The following PHEX variants were observed in gnomAD, a reference collection of about 807,000 sequenced individuals.
PHEX encodes the protein phosphate regulating endopeptidase X-linked.
Under a neutral mutation model 68.0 loss-of-function variants are expected in PHEX, and 16 were observed. The ratio of observed to expected loss-of-function variants is 0.24; its 90% CI spans 0.16 to 0.36. PHEX has a LOEUF of 0.36. Among genes scored for constraint, PHEX ranks in the 10% least tolerant of loss-of-function variants. PHEX has a pLI of 1.00. For synonymous variants in PHEX, 208 were observed against 205.1 expected, an observed-to-expected ratio of 1.01 and a Z score of -0.12; for missense variants, 480 against 575.5, an observed-to-expected ratio of 0.83 and a Z score of 1.70.
intron 9 of PHEX, among the ~76,000 whole-genome samples, chrX:22,103,801 C>A (rs2147052404): frequency 8.9e-6 from 1 of 112,177 alleles, no homozygotes; most frequent in South Asian, 3.6e-4. Context: ...ATAATGACTT[C>A]TTTTCCTCTG....
At chrX:22,042,535 A>G (rs1927332940) in intron 2 of PHEX, among the ~76,000 whole-genome samples, 1 of 112,670 alleles carries the variant, frequency 8.9e-6, no homozygotes, top group Non-Finnish European at 1.9e-5. Context: ...CTGCCACCCC[A>G]GCACTTTGGG....
chrX:22,064,484 C>A (rs994633000), intron 3 of PHEX, among the ~76,000 whole-genome samples: 123 of 111,837 alleles, frequency 1.1e-3, no homozygotes, highest in African/African-American at 3.9e-3. Context: ...TGATCTCATT[C>A]TTTTTTATGG....
intron 12 of PHEX, among the ~76,000 whole-genome samples, chrX:22,150,357 A>G (rs1932833268): frequency 9.0e-6 from 1 of 111,515 alleles, no homozygotes; most frequent in South Asian, 3.8e-4. Flanking sequence ...ACAATGGCCT[A>G]TGGACCATAC....
rs1447692167 is a variant in PHEX, at chrX:22,247,857, T to C, written c.2154T>C (p.Asn718=). 1.7e-6 allele frequency: 2 copies of C among 1,191,685 alleles called. No homozygotes were observed. Among genetic ancestry groups the C allele is most frequent in the Non-Finnish European group, 2.3e-6 (2 of 877,065 alleles). The change falls in exon 22 of 22, where the codon AAT becomes AAC. Residue 718 remains asparagine, a synonymous_variant. Transcript: ENST00000379374. The stretch of plus-strand genomic sequence containing the variant: ...TTGACATATCGTTTTTCAGGGTCAA[T>C]GGTGCAATTAGTAACTTTGAAGAAT... The part of the protein sequence containing the change: ...GAHSPPQFRV[N]GAISNFEEFQ...
intron 2 of PHEX, among the ~76,000 whole-genome samples, chrX:22,038,904 G>A (rs2027823): frequency 0.34 from 37,150 of 110,326 alleles, 4,819 homozygotes; most frequent in Middle Eastern, 0.39. Context: ...CTGGTCTGTG[G>A]GTCTGACTTG....
chrX:22,238,415 G>A lies in PHEX; in HGVS notation c.2071-6918G>A, dbSNP rs146880614. On this transcript the variant is annotated intron_variant, in intron 20 of 21. Coordinates refer to ENST00000379374, the MANE Select transcript of PHEX (RefSeq NM_000444.6). ...CAGTGCACTCCAGCCCAGCTACTGC[G>A]CATTTCCCACAGTCTTCGCAACTGG... Among the ~76,000 whole-genome samples, 457 of 111,699 alleles carry A rather than the reference G, an allele frequency of 4.1e-3. 5 individuals carry two copies. The highest frequency in any genetic ancestry group is 0.014 in the African/African-American group (441 of 30,746).
chrX:22,194,864 C>T (rs1402720729), intron 15 of PHEX, among the ~76,000 whole-genome samples: 1 of 112,114 alleles, frequency 8.9e-6, no homozygotes, highest in African/African-American at 3.2e-5. Context: ...TTTAAATCTG[C>T]TGTATGAGGA....
intron 2 of PHEX, among the ~76,000 whole-genome samples, chrX:22,045,610 G>GA (rs1470638677): frequency 8.9e-6 from 1 of 112,293 alleles, no homozygotes; most frequent in Admixed American, 9.4e-5. Context: ...TATGAAAGAG[G>GA]AAAAAAATGG....
intron 15 of PHEX, 105 bp from the exon 16 acceptor site, chrX:22,212,799 G>A: frequency 1.6e-6 from 1 of 606,374 alleles, no homozygotes; most frequent in South Asian, 2.2e-5. Context: ...GCCAGGAGGA[G>A]TGCCTTTCAG....
chrX:22,052,427 C>T (rs930264413), intron 3 of PHEX, among the ~76,000 whole-genome samples: 6 of 111,209 alleles, frequency 5.4e-5, no homozygotes, highest in African/African-American at 1.3e-4. Context: ...AGGGTTTCGC[C>T]ATGTTTGCCA....
At chrX:22,080,454 C>G (rs1929341151) in intron 5 of PHEX, among the ~76,000 whole-genome samples, 1 of 111,265 alleles carries the variant, frequency 9.0e-6, no homozygotes, top group South Asian at 3.8e-4. Flanking sequence ...TATAGTCTTC[C>G]TGATGACACA....
chrX:22,225,130 T>C (rs1335216319), intron 18 of PHEX, among the ~76,000 whole-genome samples: 12 of 107,015 alleles, frequency 1.1e-4, no homozygotes, highest in Non-Finnish European at 2.3e-4. Flanking sequence ...CCTTAGCTCA[T>C]GGCCCCTTCG....
intron 3 of PHEX, among the ~76,000 whole-genome samples, chrX:22,052,634 G>C (rs1418696716): frequency 8.9e-6 from 1 of 111,734 alleles, no homozygotes; most frequent in East Asian, 2.8e-4. Context: ...ATCAAGAGCT[G>C]GATTTGAATC....
chrX:22,102,038 T>A (rs1930454169), intron 9 of PHEX, among the ~76,000 whole-genome samples: 2 of 111,994 alleles, frequency 1.8e-5, no homozygotes, highest in South Asian at 7.5e-4. Context: ...ATGGGGTATC[T>A]ATCCCCTCAA....
intron 13 of PHEX, among the ~76,000 whole-genome samples, chrX:22,175,144 A>G (rs1286259148): frequency 4.5e-5 from 5 of 112,214 alleles, no homozygotes; most frequent in African/African-American, 1.6e-4. Flanking sequence ...GAATAGATCA[A>G]TTAAACCAGG....
In PHEX at chrX:22,131,453, GT is replaced by G. The variant is rs201353802; in HGVS notation, c.1303-2066del. Among the ~76,000 whole-genome samples the G allele has an allele frequency of 3.9e-3, 439 of 112,932 alleles. 8 individuals carry two copies. Among genetic ancestry groups the G allele is most frequent in the Admixed American group, 0.038 (408 of 10,719 alleles). ...GCTCTTTGCTCTTCTAGCAGTTTGTGTTTTATCCCAAGTTGAAGTTTCTCTT... is the reference window on the plus strand; with the variant it reads ...GCTCTTTGCTCTTCTAGCAGTTTGTGTTTATCCCAAGTTGAAGTTTCTCTT... On this transcript the variant is annotated intron_variant, in intron 11 of 21. Coordinates refer to ENST00000379374, the MANE Select transcript of PHEX (RefSeq NM_000444.6).
At chrX:22,166,411 T>C (rs771537627) in intron 12 of PHEX, among the ~76,000 whole-genome samples, 1 of 111,585 alleles carries the variant, frequency 9.0e-6, no homozygotes, top group African/African-American at 3.3e-5. Flanking sequence ...GTACTTATAG[T>C]CCAGCTACAT....
chrX:22,230,285 A>G (rs1448103291), intron 20 of PHEX, among the ~76,000 whole-genome samples: 1 of 49,676 alleles, frequency 2.0e-5, no homozygotes, highest in African/African-American at 8.6e-5. Context: ...AGTTTAAAGT[A>G]GTTTTTTCCA....
At chrX:22,209,565 A>G (rs1934823324) in intron 15 of PHEX, among the ~76,000 whole-genome samples, 1 of 110,051 alleles carries the variant, frequency 9.1e-6, no homozygotes, top group Non-Finnish European at 1.9e-5. Context: ...AAATGCTTGC[A>G]ACAACCTACA....
Sources: gnomAD v4.1 joint callset for allele counts (sites outside exome capture counted in the v4.1 genomes callset) on GRCh38, gnomAD v4.1.1 for gene constraint, MANE v1.5 for transcripts, NCBI Gene and HGNC (gene_info 2026-07-23, HGNC 2026-07-21) for gene names.